The following FBN2 variants were observed in gnomAD, a reference collection of about 807,000 sequenced individuals.
FBN2 encodes the protein fibrillin 2.
In FBN2, 105 loss-of-function variants were observed where a neutral mutation model predicts 355.6. The observed-to-expected ratio is 0.30, with a 90% CI of 0.25 to 0.35. The LOEUF (loss-of-function observed/expected upper bound fraction) is 0.35. Ranked by LOEUF, FBN2 falls within the 10% of genes least tolerant of loss-of-function variation. FBN2 has a pLI of 1.00. For synonymous variants in FBN2, 1,350 were observed against 1,301.2 expected, an observed-to-expected ratio of 1.04 and a Z score of -0.81; for missense variants, 3,280 against 3,758.7, an observed-to-expected ratio of 0.87 and a Z score of 3.33.
rs564074804 is a variant in FBN2, at chr5:128,491,674, T to C, written c.629-26753A>G. ...CTCCAAAATCTGAAGAGGGTAATTT[T>C]CTCATGTTAAGCATAAAGAGGAAAA... On this transcript the variant is annotated intron_variant, in intron 5 of 64. Transcript: ENST00000262464. Among the ~76,000 whole-genome samples the C allele has an allele frequency of 5.0e-4, 76 of 152,334 alleles. 1 individual carries two copies. The South Asian group carries it at 0.011, about 22-fold the overall frequency.
At chr5:128,284,883 C>G (rs765847172) in intron 55 of FBN2, among the ~76,000 whole-genome samples, 1 of 152,164 alleles carries the variant, frequency 6.6e-6, no homozygotes, top group African/African-American at 2.4e-5. Context: ...TCTACAAAAA[C>G]ACTCCATACT....
intron 6 of FBN2, among the ~76,000 whole-genome samples, chr5:128,462,628 T>C (rs1467669756): frequency 2.6e-5 from 4 of 152,170 alleles, no homozygotes; most frequent in Non-Finnish European, 5.9e-5. Flanking sequence ...CCTTCAGACA[T>C]TACTAAACCC....
chr5:128,272,166 A>G (rs755025695), intron 61 of FBN2, 48 bp from the exon 62 acceptor site: 8 of 1,612,196 alleles, frequency 5.0e-6, no homozygotes, highest in Non-Finnish European at 6.8e-6. Flanking sequence ...TTCTTCTACT[A>G]TTTTTAAATG....
intron 12 of FBN2, among the ~76,000 whole-genome samples, chr5:128,378,489 A>AC (rs1168194116): frequency 6.6e-6 from 1 of 152,206 alleles, no homozygotes; most frequent in African/African-American, 2.4e-5. Flanking sequence ...TCTTAAACTC[A>AC]GTTAATCAGA....
chr5:128,287,754 T>G (rs1003567703), intron 53 of FBN2, among the ~76,000 whole-genome samples: 2 of 152,290 alleles, frequency 1.3e-5, no homozygotes, highest in Middle Eastern at 3.4e-3. Context: ...GGCAGTGCTG[T>G]CATCTGGTAG....
chr5:128,360,259 A>G (rs756338707), intron 19 of FBN2, among the ~76,000 whole-genome samples: 11 of 152,154 alleles, frequency 7.2e-5, no homozygotes, highest in Admixed American at 2.0e-4. Flanking sequence ...CATTTCTCAG[A>G]GCATTTCTGA....
chr5:128,509,033 T>G (rs892663342), intron 5 of FBN2, among the ~76,000 whole-genome samples: 3 of 152,104 alleles, frequency 2.0e-5, no homozygotes, highest in African/African-American at 7.2e-5. Context: ...TTTCCCTGTA[T>G]CCCTGGTTTT....
chr5:128,404,573 T>G (rs944236543), intron 8 of FBN2, among the ~76,000 whole-genome samples: 11 of 152,220 alleles, frequency 7.2e-5, no homozygotes, highest in African/African-American at 2.7e-4. Context: ...CAACATGAAG[T>G]TCTTACATTC....
intron 48 of FBN2, among the ~76,000 whole-genome samples, chr5:128,293,391 C>A (rs1031834913): frequency 9.9e-5 from 15 of 152,096 alleles, no homozygotes; most frequent in African/African-American, 3.4e-4. Context: ...ACTTGGGAGG[C>A]TGAGGCAGGA....
chr5:128,334,686 T>A, intron 31 of FBN2, 33 bp downstream of exon 31: 1 of 1,613,136 alleles, frequency 6.2e-7, no homozygotes, highest in Non-Finnish European at 8.5e-7. Flanking sequence ...ATCTGAGAAG[T>A]TGAAATACAG....
intron 7 of FBN2, among the ~76,000 whole-genome samples, chr5:128,411,071 CA>C (rs1470445741): frequency 6.6e-6 from 1 of 152,142 alleles, no homozygotes; most frequent in African/African-American, 2.4e-5. Flanking sequence ...GGACTTGAGA[CA>C]GGGGTGGCTT....
chr5:128,405,301 T>G (rs1752896835), intron 8 of FBN2, among the ~76,000 whole-genome samples: 1 of 152,188 alleles, frequency 6.6e-6, no homozygotes, highest in Non-Finnish European at 1.5e-5. Context: ...GAGGGGGTAC[T>G]GCTGGCAAAG....
At chr5:128,440,487 C>T (rs1002962071) in intron 7 of FBN2, among the ~76,000 whole-genome samples, 3 of 152,116 alleles carry the variant, frequency 2.0e-5, no homozygotes, top group African/African-American at 7.2e-5. Flanking sequence ...CTACACACTT[C>T]TAAACAACCA....
chr5:128,265,400 G>T (rs1338018079), intron 62 of FBN2, among the ~76,000 whole-genome samples: 1 of 151,994 alleles, frequency 6.6e-6, no homozygotes, highest in Non-Finnish European at 1.5e-5. Context: ...TAACATTTTT[G>T]CAAGCACCAT....
In FBN2 at chr5:128,430,790, GCCGAGAT is replaced by G. The variant is rs1209646634; in HGVS notation, c.952+15684_952+15690del. Among the ~76,000 whole-genome samples, 19 of 150,746 alleles carry G rather than the reference GCCGAGAT, an allele frequency of 1.3e-4. No homozygotes were observed. The East Asian group carries it at 3.5e-3, about 28-fold the overall frequency. On this transcript the variant is annotated intron_variant, in intron 7 of 64. Coordinates refer to ENST00000262464, the MANE Select transcript of FBN2 (RefSeq NM_001999.4). ...GCCTGGGAGGCGGAGGCTGCAGTGA[GCCGAGAT>G]CACACCAGCACCACTGCACTCCAGT... is the stretch of plus-strand genomic sequence containing the variant.
At chr5:128,395,409 T>C in intron 8 of FBN2, 135 bp from the exon 9 acceptor site, 1 of 945,290 alleles carries the variant, frequency 1.1e-6, no homozygotes. Flanking sequence ...TTCTTCACTC[T>C]CTTAATATCT....
intron 16 of FBN2, among the ~76,000 whole-genome samples, chr5:128,367,643 A>G (rs1023338179): frequency 6.6e-6 from 1 of 151,722 alleles, no homozygotes; most frequent in Non-Finnish European, 1.5e-5. Flanking sequence ...ACCTAACTTC[A>G]TATTTTTTTC....
chr5:128,491,468 GAA>G (rs1755503062), intron 5 of FBN2, among the ~76,000 whole-genome samples: 2 of 152,108 alleles, frequency 1.3e-5, no homozygotes, highest in African/African-American at 4.8e-5. Context: ...CTGAGCTTAG[GAA>G]GTAATCACGT....
chr5:128,261,843 C>A lies in FBN2; in HGVS notation c.8257G>T (p.Glu2753Ter). Reference sequence around the variant, plus strand: ...GCTTCTGGGGACAGAGCATTTTCCTCATCGACCTCTGTATCCAGTGACAGG... The same window carrying A: ...GCTTCTGGGGACAGAGCATTTTCCTAATCGACCTCTGTATCCAGTGACAGG... ...QYLSLDTEVD[E>*]ENALSPEACY... The change falls in exon 64 of 65, where the codon GAG becomes TAG. Residue 2753 changes from glutamate (E) to a stop codon, truncating the protein, a stop_gained. Transcript: ENST00000262464. LOFTEE classifies it high-confidence loss of function. 6.2e-7 allele frequency: 1 copy of A among 1,614,032 alleles called. No homozygotes were observed.
Sources: gnomAD v4.1 joint callset for allele counts (sites outside exome capture counted in the v4.1 genomes callset) on GRCh38, gnomAD v4.1.1 for gene constraint, MANE v1.5 for transcripts, NCBI Gene and HGNC (gene_info 2026-07-23, HGNC 2026-07-21) for gene names.